The following MCF2L variants were observed in gnomAD, a reference collection of about 807,000 sequenced individuals.
The protein encoded by MCF2L is MCF.2 cell line derived transforming sequence like.
A neutral mutation model predicts 153.4 loss-of-function variants in MCF2L; 97 were observed. That is an observed-to-expected ratio of 0.63 (90% CI 0.54 to 0.75). The LOEUF is 0.75. Ranked by LOEUF, MCF2L falls within the 30% of genes least tolerant of loss-of-function variation. The probability of loss-of-function intolerance (pLI) is 0.00; values close to 1 mark genes in which losing one functional copy is unlikely to be tolerated. For missense variants in MCF2L, 1,347 were observed against 1,495.2 expected (o/e 0.90, Z 1.64); for synonymous variants, 659 against 632.2 (o/e 1.04, Z -0.64).
chr13:113,001,651 G>A (rs1009167033), intron 1 of MCF2L: 36 of 1,305,622 alleles, frequency 2.8e-5, no homozygotes, highest in Non-Finnish European at 3.5e-5. Context: ...CTCAGCTGTC[G>A]CCAGGATCGC....
intron 2 of MCF2L, among the ~76,000 whole-genome samples, chr13:112,906,496 G>A (rs1367606730): frequency 1.3e-5 from 2 of 152,208 alleles, no homozygotes; most frequent in African/African-American, 2.4e-5. Context: ...GTACACACAC[G>A]CACACACGGT....
intron 25 of MCF2L, 45 bp from the exon 26 acceptor site, chr13:113,089,565 C>A: frequency 7.4e-7 from 1 of 1,352,932 alleles, no homozygotes; most frequent in Non-Finnish European, 1.1e-6. Context: ...GAAAGACTAA[C>A]CAGGCAACAC....
At chr13:113,041,568 G>A (rs1310742279) in intron 3 of MCF2L, among the ~76,000 whole-genome samples, 1 of 151,654 alleles carries the variant, frequency 6.6e-6, no homozygotes, top group African/African-American at 2.4e-5. Context: ...GTCAGTATGG[G>A]GGATCATGTG....
chr13:113,001,610 C>T, intron 1 of MCF2L: 1 of 1,110,018 alleles, frequency 9.0e-7, no homozygotes, highest in Non-Finnish European at 1.2e-6. Context: ...AGACAAGCAA[C>T]ACCAGGAACC....
rs1191119677 is a variant in MCF2L, at chr13:112,978,985, C to A, written c.79+9527C>A. ...AGCCCTGGATGCTGTCACCTCTCACCCCTCGGAAGCAGCCATGGGGCAGAG... is the reference window on the plus strand; with the variant it reads ...AGCCCTGGATGCTGTCACCTCTCACACCTCGGAAGCAGCCATGGGGCAGAG... On this transcript the variant is annotated intron_variant, in intron 1 of 29. Transcript: ENST00000535094. 2.0e-5 allele frequency among the ~76,000 whole-genome samples: 3 copies of A among 152,200 alleles called. No homozygotes were observed. The South Asian group carries it at 6.2e-4, about 31-fold the overall frequency.
At chr13:112,913,950 C>G (rs912522082) in intron 2 of MCF2L, among the ~76,000 whole-genome samples, 1 of 152,158 alleles carries the variant, frequency 6.6e-6, no homozygotes, top group Non-Finnish European at 1.5e-5. Context: ...AATCCATCAG[C>G]CCCCCAATGC....
chr13:113,030,306 C>A lies in MCF2L; in HGVS notation c.278+5548C>A, dbSNP rs76566736. Among the ~76,000 whole-genome samples, 2 of 121,216 alleles carry A rather than the reference C, an allele frequency of 1.6e-5. 1 individual carries two copies. Among genetic ancestry groups the A allele is most frequent in the South Asian group, 5.3e-4 (2 of 3,748 alleles). 79.5% of individuals were successfully genotyped at this position (121,216 alleles called of 152,430 possible). ...GTGTGGGCCCTCGGGTGTCCGCCGA[C>A]GCCCGGTGTGGACCCTCAGGTGTCT... On this transcript the variant is annotated intron_variant, in intron 3 of 29. Coordinates refer to ENST00000535094, the MANE Select transcript of MCF2L (RefSeq NM_001112732.3).
At position 112,969,441 on chromosome 13, in the gene MCF2L, C is replaced by A. The variant is rs1354263769; in HGVS notation, c.62C>A (p.Ala21Glu). The A allele has an allele frequency of 1.9e-6, 3 of 1,550,188 alleles. No homozygotes were observed. The highest frequency in any genetic ancestry group is 1.7e-6 in the Non-Finnish European group (2 of 1,146,704). Residue 21 changes from alanine to glutamate, a missense_variant, in exon 1 of 30, where the codon GCG becomes GAG. Physicochemically the swap from Ala to Glu is moderately radical, Grantham distance 107 (BLOSUM62 -1). This residue lies in a region of MCF2L where 820 missense variants were observed against 921.2 expected (regional missense o/e 0.89). Coordinates refer to ENST00000535094, the MANE Select transcript of MCF2L (RefSeq NM_001112732.3). This position sits in a 1 kb window ranked among gnomAD's most constrained non-coding sequence, Gnocchi z 4.8. ...ALEEMVQRLN[A>E]VSKHTDEIMH... ...GAAGAAATGGTGCAGAGATTAAATG[C>A]GGTTTCCAAGCACACGGGTAGGAGG...
At chr13:113,030,604 C>T (rs1393822934) in intron 3 of MCF2L, among the ~76,000 whole-genome samples, 1 of 151,762 alleles carries the variant, frequency 6.6e-6, no homozygotes, top group Non-Finnish European at 1.5e-5. Context: ...CTCAGGTGTC[C>T]GCTGATGCAG....
chr13:113,043,121 A>T (rs2086605105), intron 3 of MCF2L: 1 of 152,246 alleles, frequency 6.6e-6, no homozygotes, highest in African/African-American at 2.4e-5. Context: ...GTTCACAGCC[A>T]AGTCACCTGT....
At chr13:112,913,205 C>CTCTG (rs201924221) in intron 2 of MCF2L, among the ~76,000 whole-genome samples, 2,431 of 142,424 alleles carry the variant, frequency 0.017, 68 homozygotes, top group African/African-American at 0.061. Flanking sequence ...TCTGGTGTAT[C>CTCTG]TCTGTATGTA....
intron 20 of MCF2L, among the ~76,000 whole-genome samples, chr13:113,085,684 G>T: frequency 6.9e-6 from 1 of 144,668 alleles, no homozygotes; most frequent in Non-Finnish European, 1.5e-5. Flanking sequence ...CCGGGGAGCA[G>T]GTGCGAGGGG....
At chr13:112,979,699 T>C (rs747049203) in intron 1 of MCF2L, 1 of 1,612,746 alleles carries the variant, frequency 6.2e-7, no homozygotes, top group Non-Finnish European at 8.5e-7. Context: ...CGGGGAACCC[T>C]GCGGCGGCTG....
chr13:113,006,144 G>T (rs1246786429), intron 1 of MCF2L, among the ~76,000 whole-genome samples: 2 of 152,190 alleles, frequency 1.3e-5, no homozygotes, highest in African/African-American at 2.4e-5. Flanking sequence ...CATCAGCCTG[G>T]AAACAGACGC....
chr13:112,982,299 G>A (rs1455451788), intron 1 of MCF2L, among the ~76,000 whole-genome samples: 3 of 152,232 alleles, frequency 2.0e-5, no homozygotes, highest in Non-Finnish European at 4.4e-5. Context: ...GAAGAGCAGT[G>A]ATGGAGGCTT....
rs2081969803 is a variant in MCF2L, at chr13:112,969,507, A to C, written c.79+49A>C. The C allele has an allele frequency of 6.5e-7, 1 of 1,547,856 alleles. No individual in the cohort carries two copies. Among genetic ancestry groups the C allele is most frequent in the Non-Finnish European group, 8.7e-7 (1 of 1,145,158 alleles). On this transcript the variant is annotated intron_variant, in intron 1 of 29. Coordinates refer to ENST00000535094, the MANE Select transcript of MCF2L (RefSeq NM_001112732.3). The surrounding 1 kb of genome is among the most constrained non-coding windows in gnomAD (Gnocchi z 4.8). The stretch of plus-strand genomic sequence containing the variant: ...GTGATCTGTGCTTAAGCTTGACATC[A>C]TGGGCTGAAATGTGGGGAAATGCGT...
Position 112,960,264 on chromosome 13 carries a change from G to T in MCF2L, c.170-54499G>T, listed in dbSNP as rs1223803076. Among the ~76,000 whole-genome samples, 1 of 152,196 alleles carries T rather than the reference G, an allele frequency of 6.6e-6. No individual in the cohort carries two copies. The highest frequency in any genetic ancestry group is 1.5e-5 in the Non-Finnish European group (1 of 68,044). ...TCTTTCCAAGAGACGGCCTCACCCG[G>T]TGAGAGAGCGGAGAGACCGAGAGGG... On this transcript the variant is annotated intron_variant, in intron 2 of 29. Transcript: ENST00000375608. The surrounding 1 kb of genome is among the most constrained non-coding windows in gnomAD (Gnocchi z 4.2).
At chr13:113,034,790 C>G (rs940671063) in intron 3 of MCF2L, among the ~76,000 whole-genome samples, 1 of 152,232 alleles carries the variant, frequency 6.6e-6, no homozygotes, top group African/African-American at 2.4e-5. Context: ...CCAGACACAG[C>G]TCAGAACCGA....
chr13:113,014,598 A>G (rs1486896336), intron 1 of MCF2L, among the ~76,000 whole-genome samples, 165 bp from the exon 2 acceptor site: 1 of 152,190 alleles, frequency 6.6e-6, no homozygotes, highest in Non-Finnish European at 1.5e-5. Flanking sequence ...GCGCTGAGAA[A>G]CAAAGGCCTC....
Sources: allele counts gnomAD v4.1 joint callset (sites outside exome capture counted in the v4.1 genomes callset), GRCh38; gene constraint gnomAD v4.1.1; regional missense constraint gnomAD v4.1.1; non-coding constraint Gnocchi (gnomAD v3.1); transcripts MANE v1.5; gene names NCBI Gene and HGNC (gene_info 2026-07-23, HGNC 2026-07-21).